Variants in KCNAB1 observed in about 807,000 individuals in gnomAD.
KCNAB1 encodes the protein voltage-gated potassium channel subunit beta-1.
KCNAB1 carries 35 observed loss-of-function variants against 64.6 expected under a neutral mutation model. The observed-to-expected ratio is 0.54, with a 90% confidence interval of 0.41 to 0.72. The LOEUF is 0.72. KCNAB1 is among the 30% of genes least tolerant of loss of function. The pLI, the probability that KCNAB1 is intolerant of heterozygous loss-of-function variation, is 0.00. For synonymous variants in KCNAB1, 177 were observed against 183.8 expected, an observed-to-expected ratio of 0.96 and a Z score of 0.30; for missense variants, 401 against 512.9, an observed-to-expected ratio of 0.78 and a Z score of 2.11.
At chr3:156,366,286 G>A (rs9865661) in intron 1 of KCNAB1, among the ~76,000 whole-genome samples, 1,989 of 152,238 alleles carry the variant, frequency 0.013, 46 homozygotes, top group African/African-American at 0.045. Context: ...CTGAACATAT[G>A]GAAGGCTGGT....
Position 156,538,594 on chromosome 3 carries a change from C to T in KCNAB1, c.*1847C>T, listed in dbSNP as rs1167779362. ...CTTAGAGTAATAAAAGCATTTTGTG[C>T]ATTCAATCTTACAATAGATTTTATC... is the stretch of plus-strand genomic sequence containing the variant. On this transcript the variant is annotated 3_prime_UTR_variant, in exon 14 of 14. Coordinates refer to ENST00000490337, the MANE Select transcript of KCNAB1 (RefSeq NM_172160.3). 1 of 152,188 alleles carries T rather than the reference C, an allele frequency of 6.6e-6. No individual in the cohort carries two copies. The highest frequency in any genetic ancestry group is 1.5e-5 in the Non-Finnish European group (1 of 68,034). 9.4% of individuals were successfully genotyped at this position (152,188 alleles called of 1,614,324 possible).
chr3:156,419,487 C>T (rs1370712886), intron 1 of KCNAB1, among the ~76,000 whole-genome samples: 8 of 140,768 alleles, frequency 5.7e-5, no homozygotes, highest in Admixed American at 5.3e-4. Context: ...GGCAACAGAG[C>T]GAGACTCCGT....
chr3:156,296,695 A>C (rs1421184757), intron 1 of KCNAB1, among the ~76,000 whole-genome samples: 1 of 151,964 alleles, frequency 6.6e-6, no homozygotes, highest in Non-Finnish European at 1.5e-5. Context: ...GGATGATCTC[A>C]ATCTCCTGAC....
At chr3:156,269,934 G>A (rs1016270518) in intron 1 of KCNAB1, among the ~76,000 whole-genome samples, 1 of 43,326 alleles carries the variant, frequency 2.3e-5, no homozygotes, top group African/African-American at 8.5e-5. Context: ...TTTTTTTTTT[G>A]AGACAATGTC....
Position 156,120,653 on chromosome 3 carries a change from AGAG to A in KCNAB1, c.46_48del (p.Glu16del), listed in dbSNP as rs751718071. On this transcript the variant is annotated inframe_deletion, in exon 1 of 14. Transcript: ENST00000490337. The stretch of plus-strand genomic sequence containing the variant: ...CAGGGGCAGCGGGGAGTCAGATCTC[AGAG>A]GAGAACACCAAGTTAAGGAGACAGT... The A allele has an allele frequency of 3.1e-6, 5 of 1,614,238 alleles. No individual in the cohort carries two copies. The highest frequency in any genetic ancestry group is 4.5e-5 in the East Asian group (2 of 44,894).
chr3:156,172,638 C>T lies in KCNAB1; in HGVS notation c.275+51752C>T, dbSNP rs530701712. On this transcript the variant is annotated intron_variant, in intron 1 of 13. Transcript: ENST00000490337. Reference sequence around the variant, plus strand: ...GGTGACATGATTGGTTACTTATTCCCAGGTCAGTGGTTAGTGGCAAGTGGC... The same window carrying T: ...GGTGACATGATTGGTTACTTATTCCTAGGTCAGTGGTTAGTGGCAAGTGGC... 5.3e-5 allele frequency among the ~76,000 whole-genome samples: 8 copies of T among 152,202 alleles called. No homozygotes were observed. In the South Asian group the frequency reaches 1.7e-3, roughly 32 times the overall value.
At chr3:156,238,731 T>C (rs1717000966) in intron 1 of KCNAB1, among the ~76,000 whole-genome samples, 1 of 152,222 alleles carries the variant, frequency 6.6e-6, no homozygotes, top group Admixed American at 6.5e-5. Context: ...TAAATAGCAT[T>C]GCTTGTTGTG....
rs191887722 is a variant in KCNAB1, at chr3:156,513,104, C to T, written c.659-1260C>T. The stretch of plus-strand genomic sequence containing the variant: ...GCGGGCACCTGTAGTCCCAGCTACT[C>T]GGGAGGCTGAGGCAGGAGAATGGCA... On this transcript the variant is annotated intron_variant, in intron 8 of 13. Coordinates refer to ENST00000490337, the MANE Select transcript of KCNAB1 (RefSeq NM_172160.3). Among the ~76,000 whole-genome samples, 75 of 152,006 alleles carry T rather than the reference C, an allele frequency of 4.9e-4. No individual in the cohort carries two copies. The East Asian group carries it at 0.014, about 29-fold the overall frequency.
chr3:156,237,866 C>T (rs1371712896), intron 1 of KCNAB1, among the ~76,000 whole-genome samples: 1 of 152,208 alleles, frequency 6.6e-6, no homozygotes, highest in East Asian at 1.9e-4. Context: ...TTCTCCACCA[C>T]AGTGCAGGTG....
intron 8 of KCNAB1, among the ~76,000 whole-genome samples, chr3:156,480,541 A>T (rs1576921216): frequency 9.4e-6 from 1 of 106,098 alleles, no homozygotes; most frequent in South Asian, 2.4e-4. Context: ...AACTTAAAGT[A>T]AAAAAAAAAA....
At position 156,463,633 on chromosome 3, in the gene KCNAB1, A is replaced by G. The variant is rs1439176937; in HGVS notation, c.483-69A>G. 28 of 1,204,362 alleles carry G rather than the reference A, an allele frequency of 2.3e-5. 1 individual carries two copies. Among genetic ancestry groups the G allele is most frequent in the South Asian group, 1.4e-4 (10 of 73,478 alleles). The allele number at this position is 1,204,362 out of a possible 1,614,324, so 74.6% of individuals were successfully genotyped here. A position where few individuals can be genotyped will look rare whatever the true frequency, so the allele number is the denominator to read the frequency against. On this transcript the variant is annotated intron_variant, in intron 5 of 13. Coordinates refer to ENST00000490337, the MANE Select transcript of KCNAB1 (RefSeq NM_172160.3). ...ACAAATTCTTTCTGGTGCTATTATA[A>G]TAATATGACTCGGTACAATAACCTG...
chr3:156,377,549 G>T (rs1711774286), intron 1 of KCNAB1, among the ~76,000 whole-genome samples: 1 of 152,170 alleles, frequency 6.6e-6, no homozygotes, highest in Non-Finnish European at 1.5e-5. Context: ...TGTATTGTGT[G>T]TGAGGTGAAG....
At chr3:156,174,509 G>C (rs1712218411) in intron 1 of KCNAB1, among the ~76,000 whole-genome samples, 1 of 152,200 alleles carries the variant, frequency 6.6e-6, no homozygotes, top group South Asian at 2.1e-4. Flanking sequence ...AGCAGAGAAT[G>C]CCATGCTTCT....
chr3:156,328,742 C>T (rs543537365), intron 1 of KCNAB1, among the ~76,000 whole-genome samples: 6 of 152,200 alleles, frequency 3.9e-5, no homozygotes, highest in Admixed American at 2.0e-4. Flanking sequence ...TGCAGTATAG[C>T]GTAGAAAAGC....
intron 1 of KCNAB1, among the ~76,000 whole-genome samples, chr3:156,282,402 G>C (rs1445662918): frequency 7.1e-6 from 1 of 140,912 alleles, no homozygotes; most frequent in Admixed American, 7.2e-5. Flanking sequence ...GGTCAATTTT[G>C]GAATAGGTGT....
rs1472607368 is a variant in KCNAB1, at chr3:156,516,373, C to G, written c.960+9C>G. On this transcript the variant is annotated intron_variant, in intron 11 of 13. Transcript: ENST00000490337. ...CCAGGGCTTCACTGAAGGTATTTTT[C>G]TCAATGTCTAGAAAAAAGCCTGGGA... The G allele has an allele frequency of 6.3e-7, 1 of 1,595,290 alleles. No homozygotes were observed. Among genetic ancestry groups the G allele is most frequent in the Non-Finnish European group, 8.6e-7 (1 of 1,163,084 alleles).
intron 1 of KCNAB1, among the ~76,000 whole-genome samples, chr3:156,156,060 G>T (rs1715692590): frequency 6.6e-6 from 1 of 152,020 alleles, no homozygotes; most frequent in African/African-American, 2.4e-5. Context: ...TTAGTCTCTG[G>T]CCCCTCTGGA....
At chr3:156,336,459 C>T (rs1723720648) in intron 1 of KCNAB1, among the ~76,000 whole-genome samples, 1 of 152,174 alleles carries the variant, frequency 6.6e-6, no homozygotes, top group Admixed American at 6.6e-5. Flanking sequence ...ACAACAAATA[C>T]TCTTTCAAGC....
intron 1 of KCNAB1, among the ~76,000 whole-genome samples, chr3:156,135,091 G>C (rs975367615): frequency 3.3e-5 from 5 of 151,818 alleles, no homozygotes; most frequent in African/African-American, 1.2e-4. Context: ...CCGCTTCCTG[G>C]GTTCAAGTGA....
Sources: allele counts gnomAD v4.1 joint callset (sites outside exome capture counted in the v4.1 genomes callset), GRCh38; gene constraint gnomAD v4.1.1; transcripts MANE v1.5; gene names NCBI Gene and HGNC (gene_info 2026-07-23, HGNC 2026-07-21).